Variants in MAST3 observed in about 807,000 individuals in gnomAD.
The protein encoded by MAST3 is microtubule-associated serine/threonine-protein kinase 3.
Under a neutral mutation model 127.0 loss-of-function variants are expected in MAST3, and 43 were observed. That is an observed-to-expected ratio of 0.34 (90% CI 0.27 to 0.44). The LOEUF (loss-of-function observed/expected upper bound fraction) is 0.44. MAST3 is among the 20% of genes least tolerant of loss of function. MAST3 has a pLI of 1.00. For synonymous variants in MAST3, 785 were observed against 809.2 expected, an observed-to-expected ratio of 0.97 and a Z score of 0.51; for missense variants, 1,390 against 1,919.1, an observed-to-expected ratio of 0.72 and a Z score of 5.15.
intron 5 of MAST3, among the ~76,000 whole-genome samples, chr19:18,122,391 TG>T (rs1476048501): frequency 6.7e-6 from 1 of 148,962 alleles, no homozygotes; most frequent in Non-Finnish European, 1.5e-5. Flanking sequence ...CTCCGTTTGG[TG>T]GGGGGTGGTC....
Position 18,144,515 on chromosome 19 carries a change from C to T in MAST3, c.2634C>T (p.Gly878=), listed in dbSNP as rs1382779431. Reference sequence around the variant, plus strand: ...CCCGCCTACGGAGCAATAGCATCGGCGCCCGACACTCCACACCAAGGCCTC... The same window carrying T: ...CCCGCCTACGGAGCAATAGCATCGGTGCCCGACACTCCACACCAAGGCCTC... The part of the protein sequence containing the change: ...SHARLRSNSI[G]ARHSTPRPLD... The change falls in exon 23 of 28, where the codon GGC becomes GGT. Residue 878 remains glycine, a synonymous_variant. Coordinates refer to ENST00000687212, the MANE Select transcript of MAST3 (RefSeq NM_001393504.1). The surrounding 1 kb of genome is among the most constrained non-coding windows in gnomAD (Gnocchi z 4.0). The T allele has an allele frequency of 8.9e-5, 143 of 1,607,134 alleles. No individual in the cohort carries two copies. Among genetic ancestry groups the T allele is most frequent in the Non-Finnish European group, 1.2e-4 (137 of 1,178,274 alleles).
chr19:18,149,797 T>A lies in MAST3; in HGVS notation c.*71T>A. On this transcript the variant is annotated 3_prime_UTR_variant, in exon 28 of 28. Coordinates refer to ENST00000687212, the MANE Select transcript of MAST3 (RefSeq NM_001393504.1). The surrounding 1 kb of genome is among the most constrained non-coding windows in gnomAD (Gnocchi z 5.9). ...GTGCAATGTTTTTTCCGTAAAGTCA[T>A]GCCTGGATGGGGACTGAGCCACCAG... is the stretch of plus-strand genomic sequence containing the variant. 1 of 1,587,480 alleles carries A rather than the reference T, an allele frequency of 6.3e-7. No individual in the cohort carries two copies. Among genetic ancestry groups the A allele is most frequent in the Non-Finnish European group, 8.5e-7 (1 of 1,173,338 alleles).
chr19:18,149,473 A>C lies in MAST3; in HGVS notation c.3791A>C (p.Lys1264Thr). Reference sequence around the variant, plus strand: ...CTGCGCCGGGGCCAGTCAGCTGACAAGCTGGGCACAGGGGAGCGGCTGGAT... The same window carrying C: ...CTGCGCCGGGGCCAGTCAGCTGACACGCTGGGCACAGGGGAGCGGCTGGAT... ...PRLRRGQSAD[K>T]LGTGERLDGE... The change falls in exon 28 of 28, where the codon AAG (lysine) becomes ACG (threonine). Residue 1264 changes from lysine (K) to threonine (T), a missense_variant. This residue lies in a region of MAST3 where 816 missense variants were observed against 934.1 expected (regional missense o/e 0.87). Transcript: ENST00000687212. This position sits in a 1 kb window ranked among gnomAD's most constrained non-coding sequence, Gnocchi z 5.9. 1 of 1,541,090 alleles carries C rather than the reference A, an allele frequency of 6.5e-7. No homozygotes were observed.
At chr19:18,107,521 A>T (rs570528025) in intron 1 of MAST3, 66 bp from the exon 2 acceptor site, 1 of 1,513,206 alleles carries the variant, frequency 6.6e-7, no homozygotes, top group Non-Finnish European at 9.2e-7. Flanking sequence ...GTGGGGGTGC[A>T]TCAACGGCCA....
intron 1 of MAST3, among the ~76,000 whole-genome samples, chr19:18,104,139 C>T (rs1449175222): frequency 8.0e-6 from 1 of 125,684 alleles, no homozygotes; most frequent in East Asian, 2.7e-4. Context: ...AAGATTGCAC[C>T]ACTGCATTCC....
At chr19:18,105,196 G>A (rs1330250067) in intron 1 of MAST3, among the ~76,000 whole-genome samples, 1 of 151,840 alleles carries the variant, frequency 6.6e-6, no homozygotes, top group Non-Finnish European at 1.5e-5. Flanking sequence ...GTGAAACCTC[G>A]TCTCTGCTAA....
At chr19:18,104,179 C>A (rs2037869934) in intron 1 of MAST3, among the ~76,000 whole-genome samples, 2 of 43,450 alleles carry the variant, frequency 4.6e-5, no homozygotes, top group African/African-American at 1.1e-4. Flanking sequence ...GACGCTGTCT[C>A]AAAAAAAAAA....
At chr19:18,127,662 C>T (rs572758949) in intron 11 of MAST3, among the ~76,000 whole-genome samples, 12 of 151,228 alleles carry the variant, frequency 7.9e-5, no homozygotes, top group African/African-American at 2.7e-4. Context: ...CCAGCCTGGG[C>T]GACAGAGTGA....
Position 18,144,603 on chromosome 19 carries a change from G to T in MAST3, c.2722G>T (p.Ala908Ser), listed in dbSNP as rs2042844026. The change falls in exon 23 of 28, where the codon GCC (alanine) becomes TCC (serine). Residue 908 changes from alanine (A) to serine (S), a missense_variant. By Grantham distance (99) the Ala-to-Ser change is moderately conservative. Around this residue, in one of 5 missense-constraint regions of MAST3, gnomAD observed 816 missense variants for 934.1 expected, o/e 0.87. Coordinates refer to ENST00000687212, the MANE Select transcript of MAST3 (RefSeq NM_001393504.1). The surrounding 1 kb of genome is among the most constrained non-coding windows in gnomAD (Gnocchi z 4.0). ...PRDPAPEKSR[A>S]SSSGGSGGGS... ...AGACCCAGCCCCTGAGAAGTCCAGA[G>T]CCTCCTCCAGCGGTGGCAGTGGTGG... 1.2e-6 allele frequency: 2 copies of T among 1,611,586 alleles called. No homozygotes were observed. Among genetic ancestry groups the T allele is most frequent in the Non-Finnish European group, 8.5e-7 (1 of 1,179,684 alleles).
At chr19:18,115,623 C>T (rs574025438) in intron 3 of MAST3, among the ~76,000 whole-genome samples, 1 of 151,970 alleles carries the variant, frequency 6.6e-6, no homozygotes, top group Non-Finnish European at 1.5e-5. Context: ...ACCATCTCCC[C>T]TGGTCTCAAA....
chr19:18,147,050 CAG>C lies in MAST3; in HGVS notation c.3326+7_3326+8del, dbSNP rs983160015. On this transcript the variant is annotated splice_region_variant and intron_variant, in intron 26 of 27. Transcript: ENST00000687212. ...GCAGTGACCACCAGGGAGCGGTACA[CAG>C]GGGGCGGGGCCACGGGGACTGGGGT... is the stretch of plus-strand genomic sequence containing the variant. 1.4e-5 allele frequency: 21 copies of C among 1,544,160 alleles called. No homozygotes were observed. Among genetic ancestry groups the C allele is most frequent in the Non-Finnish European group, 1.7e-5 (19 of 1,144,558 alleles).
chr19:18,123,852 T>C, intron 8 of MAST3, 87 bp from the exon 9 acceptor site: 2 of 1,296,078 alleles, frequency 1.5e-6, no homozygotes, highest in Non-Finnish European at 1.1e-6. Context: ...ATCTCCTCTC[T>C]CCCCAACCAT....
chr19:18,100,415 C>G (rs1716720151), intron 1 of MAST3, among the ~76,000 whole-genome samples: 1 of 151,924 alleles, frequency 6.6e-6, no homozygotes. Flanking sequence ...CGTGAGCCAC[C>G]GCGCCCAGCC....
In MAST3 at chr19:18,139,061, C is replaced by T; in HGVS notation, c.2142C>T (p.Thr714=). The T allele has an allele frequency of 3.1e-6, 5 of 1,604,392 alleles. No homozygotes were observed. Among genetic ancestry groups the T allele is most frequent in the Non-Finnish European group, 4.3e-6 (5 of 1,175,602 alleles). ...ATCTGGGCTCCGAGGACGACGAGAC[C>T]AATGATGAAGAATCGTCCACAGAGA... ...YRHLGSEDDE[T]NDEESSTEIP... Residue 714 remains threonine, a synonymous_variant, in exon 20 of 28, where the codon ACC becomes ACT. Transcript: ENST00000687212.
Position 18,128,438 on chromosome 19 carries a change from C to A in MAST3, c.1117C>A (p.Pro373Thr). The A allele has an allele frequency of 6.4e-7, 1 of 1,557,030 alleles. No homozygotes were observed. The highest frequency in any genetic ancestry group is 2.4e-5 in the East Asian group (1 of 41,282). The change falls in exon 12 of 28, where the codon CCA (proline) becomes ACA (threonine). Residue 373 changes from proline to threonine, a missense_variant. Pro to Thr is a conservative substitution (Grantham distance 38). Around this residue, in one of 5 missense-constraint regions of MAST3, gnomAD observed 277 missense variants for 384.8 expected, o/e 0.72. Coordinates refer to ENST00000687212, the MANE Select transcript of MAST3 (RefSeq NM_001393504.1). ...PLSHLEEEQP[P>T]APESPESRAL... ...GAGTCACCTCGAAGAAGAACAGCCC[C>A]CAGCACCTGAGTCCCCAGAGGTGAG...
chr19:18,133,178 G>A (rs1477516747), intron 15 of MAST3, among the ~76,000 whole-genome samples: 2 of 152,052 alleles, frequency 1.3e-5, no homozygotes, highest in Non-Finnish European at 2.9e-5. Context: ...CATGTATGTG[G>A]CACCTGCTGT....
intron 1 of MAST3, among the ~76,000 whole-genome samples, chr19:18,101,999 GC>G (rs996253593): frequency 6.8e-6 from 1 of 146,978 alleles, no homozygotes; most frequent in African/African-American, 2.5e-5. Context: ...TCCTGCCTCA[GC>G]CTCCCGAGTA....
At chr19:18,104,504 G>A (rs2037911201) in intron 1 of MAST3, among the ~76,000 whole-genome samples, 2 of 152,176 alleles carry the variant, frequency 1.3e-5, no homozygotes, top group Admixed American at 6.6e-5. Flanking sequence ...TGGGTCATCC[G>A]GCAGCCCAGC....
chr19:18,120,792 T>C (rs1396225510), intron 3 of MAST3, among the ~76,000 whole-genome samples: 1 of 152,010 alleles, frequency 6.6e-6, no homozygotes, highest in Non-Finnish European at 1.5e-5. Context: ...AACGGCACGA[T>C]CTCACCACAA....
Sources: gnomAD v4.1 joint callset for allele counts (sites outside exome capture counted in the v4.1 genomes callset) on GRCh38, gnomAD v4.1.1 for gene constraint, gnomAD v4.1.1 regional missense constraint, Gnocchi (gnomAD v3.1) non-coding constraint, MANE v1.5 for transcripts, NCBI Gene and HGNC (gene_info 2026-07-23, HGNC 2026-07-21) for gene names.